GSK3B: variants seen among roughly 807,000 people sequenced by gnomAD.
The protein encoded by GSK3B is glycogen synthase kinase-3 beta.
Under a neutral mutation model 56.4 loss-of-function variants are expected in GSK3B, and 15 were observed. The ratio of observed to expected loss-of-function variants is 0.27; its 90% CI spans 0.18 to 0.41. The LOEUF (loss-of-function observed/expected upper bound fraction) is 0.41. Ranked by LOEUF, GSK3B falls within the 10% of genes least tolerant of loss-of-function variation. The pLI is 1.00. For missense variants in GSK3B, 300 were observed against 513.4 expected (o/e 0.58, Z 4.02); for synonymous variants, 181 against 188.9 (o/e 0.96, Z 0.34).
At position 119,856,653 on chromosome 3, in the gene GSK3B, T is replaced by C. The variant is rs187975021; in HGVS notation, c.1096+6766A>G. ...AGTTCTCCCTGTGGTGTGTCTCCAC[T>C]GGCCTACCTAGCATTTCATTGCCCA... On this transcript the variant is annotated intron_variant, in intron 9 of 10. Transcript: ENST00000264235. Among the ~76,000 whole-genome samples the C allele has an allele frequency of 2.0e-5, 3 of 152,324 alleles. No individual in the cohort carries two copies. In the East Asian group the frequency reaches 5.8e-4, roughly 29 times the overall value.
chr3:119,849,018 A>G (rs1206633806), intron 9 of GSK3B, among the ~76,000 whole-genome samples: 1 of 152,190 alleles, frequency 6.6e-6, no homozygotes, highest in African/African-American at 2.4e-5. Flanking sequence ...TTTTACTTCA[A>G]GTCAGTTCAA....
intron 7 of GSK3B, among the ~76,000 whole-genome samples, chr3:119,902,706 ATTAT>A (rs1446125283): frequency 6.6e-6 from 1 of 151,504 alleles, no homozygotes; most frequent in African/African-American, 2.4e-5. Flanking sequence ...TGTGATATTT[ATTAT>A]TTATTATTTT....
chr3:120,092,620 G>A lies in GSK3B; in HGVS notation c.88+727C>T, dbSNP rs1387095. Among the ~76,000 whole-genome samples, 960 of 152,160 alleles carry A rather than the reference G, an allele frequency of 6.3e-3. 12 individuals are homozygous for A. Among genetic ancestry groups the A allele is most frequent in the Non-Finnish European group, 0.01 (691 of 67,994 alleles). ...ACTTTTGATTAAACATAAATTATAC[G>A]GTGGCAGGTTGGTAATGTCAAAACA... is the stretch of plus-strand genomic sequence containing the variant. On this transcript the variant is annotated intron_variant, in intron 1 of 10. Coordinates refer to ENST00000264235, the MANE Select transcript of GSK3B (RefSeq NM_001146156.2).
At chr3:119,855,882 A>T (rs966225403) in intron 9 of GSK3B, among the ~76,000 whole-genome samples, 4 of 152,192 alleles carry the variant, frequency 2.6e-5, no homozygotes, top group Admixed American at 2.0e-4. Context: ...AATGTAAATG[A>T]CGAGTTAATG....
intron 2 of GSK3B, among the ~76,000 whole-genome samples, chr3:119,987,575 T>C (rs1395383653): frequency 6.6e-6 from 1 of 152,188 alleles, no homozygotes; most frequent in Non-Finnish European, 1.5e-5. Flanking sequence ...ATCCAGTTTT[T>C]CTGTAAATTG....
At chr3:119,973,066 A>G (rs564551257) in intron 2 of GSK3B, among the ~76,000 whole-genome samples, 32 of 152,172 alleles carry the variant, frequency 2.1e-4, no homozygotes, top group Non-Finnish European at 4.0e-4. Context: ...GCTGCCACTA[A>G]GTGAGACCTT....
Position 120,057,005 on chromosome 3 carries a change from C to T in GSK3B, c.88+36342G>A, listed in dbSNP as rs567680051. On this transcript the variant is annotated intron_variant, in intron 1 of 10. Transcript: ENST00000264235. ...TAAAAAAATACAAAAATTAGCAATG[C>T]GTGGTGGCTCATGCCTGTGGTCCCA... Among the ~76,000 whole-genome samples, 11 of 152,138 alleles carry T rather than the reference C, an allele frequency of 7.2e-5. No individual in the cohort carries two copies. The East Asian group carries it at 1.4e-3, about 19-fold the overall frequency.
At chr3:120,031,439 C>T (rs550593304) in intron 1 of GSK3B, among the ~76,000 whole-genome samples, 3 of 151,706 alleles carry the variant, frequency 2.0e-5, no homozygotes, top group Non-Finnish European at 3.0e-5. Context: ...TGGAAAGGCC[C>T]GTGAAAGGCG....
chr3:119,875,231 G>A (rs2056296950), intron 8 of GSK3B, among the ~76,000 whole-genome samples: 1 of 151,938 alleles, frequency 6.6e-6, no homozygotes, highest in Non-Finnish European at 1.5e-5. Flanking sequence ...TCTGAAGATA[G>A]ATAATGAGAT....
intron 1 of GSK3B, among the ~76,000 whole-genome samples, chr3:120,015,347 G>T (rs1432495290): frequency 6.6e-6 from 1 of 152,066 alleles, no homozygotes; most frequent in Non-Finnish European, 1.5e-5. Context: ...TTCACTAAGA[G>T]CTCTTAGAAA....
At chr3:119,898,857 T>G (rs2056598198) in intron 7 of GSK3B, among the ~76,000 whole-genome samples, 1 of 152,062 alleles carries the variant, frequency 6.6e-6, no homozygotes, top group Admixed American at 6.6e-5. Context: ...CAACAACAAT[T>G]AAAATGATAT....
chr3:120,030,617 T>A (rs2057967374), intron 1 of GSK3B, among the ~76,000 whole-genome samples: 1 of 152,226 alleles, frequency 6.6e-6, no homozygotes, highest in African/African-American at 2.4e-5. Context: ...CACATGATGT[T>A]CCCTTTCCTT....
chr3:119,830,807 C>A (rs186604696), intron 10 of GSK3B, among the ~76,000 whole-genome samples: 1 of 152,212 alleles, frequency 6.6e-6, no homozygotes, highest in Admixed American at 6.5e-5. Flanking sequence ...TAATCTATCT[C>A]TCATTTCCTC....
intron 7 of GSK3B, among the ~76,000 whole-genome samples, chr3:119,904,050 T>C (rs2056654532): frequency 6.6e-6 from 1 of 152,064 alleles, no homozygotes; most frequent in Non-Finnish European, 1.5e-5. Context: ...CAAAAAGAAC[T>C]CAATTCTTCT....
intron 1 of GSK3B, among the ~76,000 whole-genome samples, chr3:120,050,672 T>C (rs991869482): frequency 3.9e-5 from 6 of 152,048 alleles, no homozygotes; most frequent in Non-Finnish European, 8.8e-5. Context: ...TTCATTCTGT[T>C]TAGGGGAGGA....
chr3:120,029,787 TG>T (rs2107520114), intron 1 of GSK3B: 2 of 554,496 alleles, frequency 3.6e-6, no homozygotes, highest in East Asian at 9.7e-5. Context: ...TTAACTGTTT[TG>T]GAAGAACAGG....
At chr3:119,862,092 T>C (rs1289830335) in intron 9 of GSK3B, among the ~76,000 whole-genome samples, 1 of 151,476 alleles carries the variant, frequency 6.6e-6, no homozygotes, top group Non-Finnish European at 1.5e-5. Flanking sequence ...AAGTCTTCTT[T>C]TTTTTTTTTT....
chr3:119,832,887 A>G lies in GSK3B; in HGVS notation c.1196-6032T>C, dbSNP rs1002101007. On this transcript the variant is annotated intron_variant, in intron 10 of 10. Transcript: ENST00000264235. ...GATTTTTGTCCTGGAGTAAATTTTC[A>G]TATGTAAAATTCTATATCTGGTATC... is the stretch of plus-strand genomic sequence containing the variant. The G allele has an allele frequency of 6.4e-6, 4 of 623,686 alleles. No individual in the cohort carries two copies. In the East Asian group the frequency reaches 4.2e-4, roughly 65 times the overall value. The allele number at this position is 623,686 out of a possible 1,614,324, so 38.6% of individuals were successfully genotyped here.
At chr3:119,921,283 ATC>A (rs2056837656) in intron 4 of GSK3B, among the ~76,000 whole-genome samples, 1 of 152,200 alleles carries the variant, frequency 6.6e-6, no homozygotes, top group African/African-American at 2.4e-5. Flanking sequence ...ATATGGGAAA[ATC>A]TCTCTTTATG....
Sources: allele counts gnomAD v4.1 joint callset (sites outside exome capture counted in the v4.1 genomes callset), GRCh38; gene constraint gnomAD v4.1.1; transcripts MANE v1.5; gene names NCBI Gene and HGNC (gene_info 2026-07-23, HGNC 2026-07-21).